The following PPCS variants were observed in gnomAD, a reference collection of about 807,000 sequenced individuals.
PPCS encodes the protein phosphopantothenate--cysteine ligase.
In PPCS, 17 loss-of-function variants were observed where a neutral mutation model predicts 24.6. The ratio of observed to expected loss-of-function variants is 0.69; its 90% CI spans 0.47 to 1.04. PPCS has a LOEUF of 1.04. Ranked by LOEUF, PPCS falls within the 50% of genes least tolerant of loss-of-function variation. The pLI is 0.00. For synonymous variants in PPCS, 190 were observed against 168.3 expected, an observed-to-expected ratio of 1.13 and a Z score of -1.00; for missense variants, 360 against 402.8, an observed-to-expected ratio of 0.89 and a Z score of 0.91.
At chr1:42,462,258 G>C (rs554036623), downstream of PPCS, among the ~76,000 whole-genome samples, 1 of 152,096 alleles carries the variant, frequency 6.6e-6, no homozygotes, top group African/African-American at 2.4e-5. Flanking sequence ...ATAGCAAATG[G>C]AAGTGTATAA....
At chr1:42,458,755 C>G (rs1643315209) in intron 2 of PPCS, among the ~76,000 whole-genome samples, 1 of 152,054 alleles carries the variant, frequency 6.6e-6, no homozygotes, top group East Asian at 1.9e-4. Context: ...TTGAAAGTAA[C>G]AAAGCAACTG....
intron 2 of PPCS, among the ~76,000 whole-genome samples, chr1:42,457,982 A>G (rs6668099): frequency 0.033 from 4,962 of 151,534 alleles, 304 homozygotes; most frequent in African/African-American, 0.11. Flanking sequence ...ACCAAAAATC[A>G]AAACAAAATG....
chr1:42,459,950 A>C lies in PPCS; in HGVS notation c.*24A>C, dbSNP rs1356392464. The C allele has an allele frequency of 6.4e-7, 1 of 1,565,634 alleles. No individual in the cohort carries two copies. Among genetic ancestry groups the C allele is most frequent in the African/African-American group, 1.4e-5 (1 of 72,684 alleles). ...GAAGTAAAAAGCCCTTATAGGATCA[A>C]AAATTGTTCAGGGCTCTTAGAGATG... On this transcript the variant is annotated 3_prime_UTR_variant, in exon 3 of 3. Transcript: ENST00000372561.
chr1:42,460,742 A>G lies in PPCS; in HGVS notation c.*816A>G, dbSNP rs902837314. Among the ~76,000 whole-genome samples the G allele has an allele frequency of 6.7e-6, 1 of 150,352 alleles. No individual in the cohort carries two copies. Among genetic ancestry groups the G allele is most frequent in the Non-Finnish European group, 1.5e-5 (1 of 68,034 alleles). On this transcript the variant is annotated 3_prime_UTR_variant, in exon 3 of 3. Transcript: ENST00000372561. ...TTAGCTTTATAAACTTAGGCATTTG[A>G]CTTAATCTCAGTGTCCACATGCATA...
At position 42,460,976 on chromosome 1, in the gene PPCS, C is replaced by T. The variant is rs147793649; in HGVS notation, c.*1050C>T. Among the ~76,000 whole-genome samples, 13 of 152,362 alleles carry T rather than the reference C, an allele frequency of 8.5e-5. No homozygotes were observed. The highest frequency in any genetic ancestry group is 3.1e-4 in the African/African-American group (13 of 41,586). ...GAGAATCTTTGAAAAACTTTCAATA[C>T]TTCTCTTGCTGTCCTACGTTTTGGG... On this transcript the variant is annotated 3_prime_UTR_variant, in exon 3 of 3. Coordinates refer to ENST00000372561, the MANE Select transcript of PPCS (RefSeq NM_024664.4).
downstream of PPCS, among the ~76,000 whole-genome samples, chr1:42,462,877 G>A (rs925236366): frequency 6.6e-6 from 1 of 152,136 alleles, no homozygotes. Context: ...CGTGCCCCAC[G>A]TGGCTAGTGA....
chr1:42,469,924 C>T lies in PPCS; in HGVS notation n.378-3198C>T, dbSNP rs74068444. On this transcript the variant is annotated intron_variant and non_coding_transcript_variant, in intron 2 of 2. Coordinates refer to the PPCS transcript ENST00000471420. ...AACTAGCAACTCATAAATGACCCAGCGGTTGAGAAGCTTGGCTCAGACCAG... is the reference window on the plus strand; with the variant it reads ...AACTAGCAACTCATAAATGACCCAGTGGTTGAGAAGCTTGGCTCAGACCAG... 1.7e-3 allele frequency among the ~76,000 whole-genome samples: 264 copies of T among 152,240 alleles called. 1 individual carries two copies. The highest frequency in any genetic ancestry group is 6.1e-3 in the African/African-American group (253 of 41,532).
intron 2 of PPCS, among the ~76,000 whole-genome samples, chr1:42,470,438 T>C (rs961631409): frequency 6.6e-6 from 1 of 152,188 alleles, no homozygotes; most frequent in South Asian, 2.1e-4. Context: ...CATAGAATTA[T>C]ATATCTAACA....
downstream of PPCS, among the ~76,000 whole-genome samples, chr1:42,464,439 A>T (rs941313740): frequency 1.3e-5 from 2 of 152,222 alleles, no homozygotes; most frequent in Admixed American, 1.3e-4. Flanking sequence ...AACACTGGGG[A>T]TATGATGTAA....
At chr1:42,462,085 G>A (rs957304559), downstream of PPCS, among the ~76,000 whole-genome samples, 1 of 152,122 alleles carries the variant, frequency 6.6e-6, no homozygotes, top group African/African-American at 2.4e-5. Context: ...TACCTCCCTT[G>A]GGAATTTTAT....
chr1:42,464,665 A>G (rs1643511954), downstream of PPCS, among the ~76,000 whole-genome samples: 1 of 152,242 alleles, frequency 6.6e-6, no homozygotes, highest in Admixed American at 6.5e-5. Context: ...GATCCAGTGC[A>G]ATTTTATTTT....
downstream of PPCS, among the ~76,000 whole-genome samples, chr1:42,462,710 T>C (rs1643443636): frequency 1.3e-5 from 2 of 152,212 alleles, no homozygotes; most frequent in South Asian, 4.1e-4. Flanking sequence ...AAGTTTTTAT[T>C]TTGCATTACA....
intron 2 of PPCS, among the ~76,000 whole-genome samples, chr1:42,472,303 G>A (rs1018561464): frequency 1.3e-5 from 2 of 152,036 alleles, no homozygotes; most frequent in Non-Finnish European, 2.9e-5. Flanking sequence ...TCACTTCATC[G>A]ATCAGCAGAT....
downstream of PPCS, among the ~76,000 whole-genome samples, chr1:42,461,812 TG>T (rs2148424434): frequency 6.6e-6 from 1 of 152,306 alleles, no homozygotes; most frequent in South Asian, 2.1e-4. Context: ...TCCAAAGTGC[TG>T]GCATTACAAG....
At chr1:42,458,879 A>G (rs1643319631) in intron 2 of PPCS, among the ~76,000 whole-genome samples, 2 of 152,248 alleles carry the variant, frequency 1.3e-5, no homozygotes, top group Admixed American at 1.3e-4. Flanking sequence ...TAAAAATGGA[A>G]TCTAATAGCC....
chr1:42,461,683 A>T (rs1328635590), downstream of PPCS, among the ~76,000 whole-genome samples: 1 of 151,856 alleles, frequency 6.6e-6, no homozygotes, highest in Non-Finnish European at 1.5e-5. Context: ...AGTAGCTGGG[A>T]CTACAGGCGC....
chr1:42,457,325 T>C lies in PPCS; in HGVS notation c.587T>C (p.Ile196Thr). ...GTCTCTGAAATGCCTGAACACAAGA[T>C]CCAGTCATCTGGGGGCCCACTGCAG... is the stretch of plus-strand genomic sequence containing the variant. The part of the protein sequence containing the change: ...VPVSEMPEHK[I>T]QSSGGPLQIT... The change falls in exon 2 of 3, where the codon ATC becomes ACC. Residue 196 changes from isoleucine to threonine, a missense_variant. Physicochemically the swap from Ile to Thr is moderately conservative, Grantham distance 89 (BLOSUM62 -1). This residue lies in a region of PPCS where 116 missense variants were observed against 168.1 expected (regional missense o/e 0.69). Transcript: ENST00000372561. The C allele has an allele frequency of 6.2e-7, 1 of 1,614,198 alleles. No homozygotes were observed. Among genetic ancestry groups the C allele is most frequent in the East Asian group, 2.2e-5 (1 of 44,878 alleles).
At chr1:42,467,090 C>A (rs1643614443) in intron 2 of PPCS, among the ~76,000 whole-genome samples, 1 of 152,036 alleles carries the variant, frequency 6.6e-6, no homozygotes, top group Non-Finnish European at 1.5e-5. Flanking sequence ...TGATAGGGAC[C>A]AATAAGTATA....
chr1:42,456,427 G>A, upstream of PPCS: 4 of 926,180 alleles, frequency 4.3e-6, no homozygotes, highest in East Asian at 8.5e-5. Context: ...TTCCAGACTT[G>A]GCGAGATCGG....
Sources: allele counts gnomAD v4.1 joint callset (sites outside exome capture counted in the v4.1 genomes callset), GRCh38; gene constraint gnomAD v4.1.1; regional missense constraint gnomAD v4.1.1; transcripts MANE v1.5; gene names NCBI Gene and HGNC (gene_info 2026-07-23, HGNC 2026-07-21).